TMPRSS9: variants seen among roughly 807,000 people sequenced by gnomAD.
TMPRSS9 encodes transmembrane serine protease 9, also known as transmembrane protease serine 9.
Under a neutral mutation model 111.4 loss-of-function variants are expected in TMPRSS9, and 113 were observed. The observed-to-expected ratio is 1.01, with a 90% CI of 0.87 to 1.19. The LOEUF (loss-of-function observed/expected upper bound fraction) is 1.19, where lower values mean the gene tolerates loss of function less well. Ranked by LOEUF, TMPRSS9 falls within the 50% of genes most tolerant of loss-of-function variation. TMPRSS9 has a pLI of 0.00. For missense variants in TMPRSS9, 1,803 were observed against 1,513.1 expected, an observed-to-expected ratio of 1.19 and a Z score of -3.18; for synonymous variants, 805 against 659.1, an observed-to-expected ratio of 1.22 and a Z score of -3.39.
intron 1 of TMPRSS9, among the ~76,000 whole-genome samples, chr19:2,374,975 G>T (rs1052787213): frequency 1.3e-5 from 2 of 152,286 alleles, no homozygotes; most frequent in African/African-American, 2.4e-5. Flanking sequence ...GACGAAACAG[G>T]TCCCGTGGAG....
intron 10 of TMPRSS9, among the ~76,000 whole-genome samples, chr19:2,414,941 ATTTTTTT>A (rs909082554): frequency 3.1e-5 from 4 of 127,160 alleles, no homozygotes; most frequent in African/African-American, 5.9e-5. Flanking sequence ...TTGCATTCCT[ATTTTTTT>A]TTTTTTTTTT....
chr19:2,389,832 A>C, exon 1 of TMPRSS9: 1 of 1,614,010 alleles, frequency 6.2e-7, no homozygotes, highest in Non-Finnish European at 8.5e-7. Context: ...AGGACAACCA[A>C]GGAAGTCCCC....
In TMPRSS9 at chr19:2,372,555, C is replaced by T. The variant is rs1295114703; in HGVS notation, c.-26+12195C>T. Among the ~76,000 whole-genome samples the T allele has an allele frequency of 2.6e-5, 4 of 152,152 alleles. No individual in the cohort carries two copies. In the South Asian group the frequency reaches 6.2e-4, roughly 24 times the overall value. ...AATAAAACTCTAGAAGATATTTTTA[C>T]TCTGAGATTAGCAGTGTGAAGGACC... On this transcript the variant is annotated intron_variant, in intron 1 of 17. Coordinates refer to the TMPRSS9 transcript ENST00000649857.
intron 1 of TMPRSS9, among the ~76,000 whole-genome samples, chr19:2,380,581 A>G (rs556012490): frequency 7.0e-4 from 100 of 142,752 alleles, no homozygotes; most frequent in African/African-American, 2.6e-3. Flanking sequence ...AGCCTGGGCA[A>G]CAGAGCAAGA....
chr19:2,382,272 G>A (rs914140173), intron 1 of TMPRSS9, among the ~76,000 whole-genome samples: 5 of 151,750 alleles, frequency 3.3e-5, no homozygotes, highest in African/African-American at 4.8e-5. Context: ...ATCCTCCCAA[G>A]AAACCATGTG....
chr19:2,418,252 CT>C (rs1971300258), intron 13 of TMPRSS9, 114 bp downstream of exon 14: 32 of 1,086,202 alleles, frequency 2.9e-5, no homozygotes, highest in Non-Finnish European at 3.7e-5. Flanking sequence ...CCTTCCCCCC[CT>C]CCTTCCCTCC....
chr19:2,392,103 C>T (rs1970611231), intron 1 of TMPRSS9, among the ~76,000 whole-genome samples: 1 of 152,044 alleles, frequency 6.6e-6, no homozygotes, highest in Non-Finnish European at 1.5e-5. Context: ...AATCCCAGCA[C>T]TCTGGGAGGC....
chr19:2,373,057 C>G (rs138285589), intron 1 of TMPRSS9, among the ~76,000 whole-genome samples: 1 of 151,948 alleles, frequency 6.6e-6, no homozygotes. Flanking sequence ...TGGTCTCAAC[C>G]CCTGGCCTCA....
chr19:2,392,914 A>G lies in TMPRSS9; in HGVS notation c.142+2987A>G, dbSNP rs530408798. On this transcript the variant is annotated intron_variant, in intron 1 of 17. Coordinates refer to ENST00000648592, the Ensembl canonical transcript of TMPRSS9. Reference sequence around the variant, plus strand: ...TCGCACCAATCAGTGTTCTGTGTCTAGCTAATCTAGTGGGGACTTGGAGAA... The same window carrying G: ...TCGCACCAATCAGTGTTCTGTGTCTGGCTAATCTAGTGGGGACTTGGAGAA... Among the ~76,000 whole-genome samples the G allele has an allele frequency of 1.2e-4, 18 of 152,264 alleles. No homozygotes were observed. In the South Asian group the frequency reaches 1.2e-3, roughly 11 times the overall value.
chr19:2,414,821 G>A (rs1472308733), intron 10 of TMPRSS9, among the ~76,000 whole-genome samples: 1 of 151,180 alleles, frequency 6.6e-6, no homozygotes, highest in Non-Finnish European at 1.5e-5. Context: ...GAGCTGATAC[G>A]GTGACATGGT....
At position 2,396,680 on chromosome 19, in the gene TMPRSS9, G is replaced by C. The variant is rs773021718; in HGVS notation, c.270+14G>C. 3 of 1,597,224 alleles carry C rather than the reference G, an allele frequency of 1.9e-6. No individual in the cohort carries two copies. The highest frequency in any genetic ancestry group is 1.7e-4 in the Middle Eastern group (1 of 5,802). The stretch of plus-strand genomic sequence containing the variant: ...CTGGAGGCACTGGTGAGGGTGGTCT[G>C]TGTTTGGGGGCCAGGGAGGAAGAGC... On this transcript the variant is annotated intron_variant, in intron 2 of 17. Coordinates refer to ENST00000648592, the Ensembl canonical transcript of TMPRSS9.
At chr19:2,408,072 GCACC>G (rs1971008482) in intron 7 of TMPRSS9, among the ~76,000 whole-genome samples, 1 of 150,628 alleles carries the variant, frequency 6.6e-6, no homozygotes, top group African/African-American at 2.4e-5. Context: ...ATGAGCCACC[GCACC>G]TGGCCTGTTT....
chr19:2,411,257 G>A (rs1290358730), intron 9 of TMPRSS9, among the ~76,000 whole-genome samples: 4 of 109,822 alleles, frequency 3.6e-5, no homozygotes, highest in East Asian at 3.3e-4. Context: ...CTGAGATCAC[G>A]CCATTGCACT....
intron 1 of TMPRSS9, among the ~76,000 whole-genome samples, chr19:2,376,951 G>A (rs1186699938): frequency 1.3e-5 from 2 of 151,994 alleles, no homozygotes; most frequent in Admixed American, 6.6e-5. Context: ...GGGTCGCGCC[G>A]GGGCAGAGGC....
At chr19:2,396,247 C>T (rs953533490) in intron 1 of TMPRSS9, 21 of 311,918 alleles carry the variant, frequency 6.7e-5, no homozygotes, top group African/African-American at 3.2e-4. Context: ...GAGGAAAACA[C>T]GGGGGCATCT....
At chr19:2,406,050 A>G (rs1277892807) in intron 7 of TMPRSS9, among the ~76,000 whole-genome samples, 47 of 96,960 alleles carry the variant, frequency 4.8e-4, no homozygotes, top group African/African-American at 1.2e-3. Flanking sequence ...TCGCTCTGTC[A>G]CCCAGGCTGG....
chr19:2,391,894 A>G (rs756201995), intron 1 of TMPRSS9, among the ~76,000 whole-genome samples: 1 of 151,992 alleles, frequency 6.6e-6, no homozygotes, highest in Non-Finnish European at 1.5e-5. Context: ...GGTGTGTGCC[A>G]CTACGCCGAG....
At chr19:2,405,404 C>A in exon 7 of TMPRSS9, 1 of 1,605,034 alleles carries the variant, frequency 6.2e-7, no homozygotes, top group Non-Finnish European at 8.5e-7. Context: ...TGGAGGATGG[C>A]CGGCAGGATC....
chr19:2,394,962 G>C (rs1275353386), intron 1 of TMPRSS9, among the ~76,000 whole-genome samples: 1 of 152,080 alleles, frequency 6.6e-6, no homozygotes, highest in African/African-American at 2.4e-5. Context: ...TTGTACTTTG[G>C]ACACAACACA....
Sources: gnomAD v4.1 joint callset for allele counts (sites outside exome capture counted in the v4.1 genomes callset) on GRCh38, gnomAD v4.1.1 for gene constraint, MANE v1.5 for transcripts, NCBI Gene and HGNC (gene_info 2026-07-23, HGNC 2026-07-21) for gene names.